Variants in LINS1 observed in about 807,000 individuals in gnomAD.
The protein encoded by LINS1 is lines homolog 1.
In LINS1, 27 loss-of-function variants were observed where a neutral mutation model predicts 41.6. The observed-to-expected ratio is 0.65, with a 90% CI of 0.48 to 0.89. The LOEUF is 0.89. Ranked by LOEUF, LINS1 falls within the 40% of genes least tolerant of loss-of-function variation. The pLI, the probability that LINS1 is intolerant of heterozygous loss-of-function variation, is 0.00. For missense variants in LINS1, 955 were observed against 884.1 expected (o/e 1.08, Z -1.02); for synonymous variants, 336 against 312.9 (o/e 1.07, Z -0.78).
At chr15:100,590,864 T>C (rs2039004456) in intron 1 of LINS1, among the ~76,000 whole-genome samples, 1 of 152,190 alleles carries the variant, frequency 6.6e-6, no homozygotes, top group South Asian at 2.1e-4. Flanking sequence ...AAACTCTTGG[T>C]ATTATCCTCC....
At position 100,571,918 on chromosome 15, in the gene LINS1, A is replaced by C; in HGVS notation, c.1370T>G (p.Leu457Arg). The change falls in exon 6 of 7, where the codon CTG becomes CGG. Residue 457 changes from leucine (L) to arginine (R), a missense_variant. Leu to Arg is a moderately radical substitution (Grantham distance 102, BLOSUM62 -2). Coordinates refer to ENST00000314742, the MANE Select transcript of LINS1 (RefSeq NM_001040616.3). ...DDMLEAAKAS[L>R]GIYLTLTRGC... ...CCTGGTCAGTGTTAAGTAGATGCCC[A>C]GTGATGCCTTGGCAGCCTCCAGCAT... The C allele has an allele frequency of 6.2e-7, 1 of 1,614,236 alleles. No individual in the cohort carries two copies. The highest frequency in any genetic ancestry group is 1.3e-5 in the African/African-American group (1 of 75,066).
chr15:100,569,304 T>G lies in LINS1; in HGVS notation c.2208A>C (p.Pro736=). 2 of 1,613,024 alleles carry G rather than the reference T, an allele frequency of 1.2e-6. No homozygotes were observed. Among genetic ancestry groups the G allele is most frequent in the Non-Finnish European group, 1.7e-6 (2 of 1,179,016 alleles). Residue 736 remains proline (P), a synonymous_variant, in exon 7 of 7, where the codon CCA becomes CCC. Transcript: ENST00000314742. ...LQKKNLFPYN[P]TALLKLLKYI... is the part of the protein sequence containing the mutation. Reference sequence around the variant, plus strand: ...ATTTTAACAACTTCAAAAGTGCAGTTGGATTATATGGGAAAAGATTTTTCT... The same window carrying G: ...ATTTTAACAACTTCAAAAGTGCAGTGGGATTATATGGGAAAAGATTTTTCT...
chr15:100,582,021 G>T (rs117310889), intron 1 of LINS1, among the ~76,000 whole-genome samples: 2,376 of 152,334 alleles, frequency 0.016, 38 homozygotes, highest in Non-Finnish European at 0.022. Flanking sequence ...TCTCTGCCCT[G>T]ACCCGTTTAT....
intron 1 of LINS1, among the ~76,000 whole-genome samples, chr15:100,592,088 A>G (rs920301416): frequency 2.0e-5 from 3 of 152,216 alleles, no homozygotes; most frequent in Admixed American, 1.3e-4. Flanking sequence ...CTTCATTTAC[A>G]TAGGGCATAC....
At chr15:100,599,799 C>T (rs1389483004) in intron 1 of LINS1, among the ~76,000 whole-genome samples, 2 of 152,142 alleles carry the variant, frequency 1.3e-5, no homozygotes, top group Non-Finnish European at 1.5e-5. Flanking sequence ...GGTGCAGTGG[C>T]TCACACCTGT....
intron 1 of LINS1, among the ~76,000 whole-genome samples, chr15:100,582,355 T>C (rs952557153): frequency 7.2e-6 from 1 of 138,214 alleles, no homozygotes; most frequent in Admixed American, 7.5e-5. Flanking sequence ...ATCTACAACA[T>C]GGCCCACTAG....
chr15:100,569,357 G>A lies in LINS1; in HGVS notation c.2155C>T (p.Leu719=). 4 of 1,614,160 alleles carry A rather than the reference G, an allele frequency of 2.5e-6. No homozygotes were observed. The highest frequency in any genetic ancestry group is 3.4e-6 in the Non-Finnish European group (4 of 1,180,026). ...FYRIVKCFQE[L]QDAICRLQKK... is the part of the protein sequence containing the mutation. ...TGCAAACGGCAGATGGCATCTTGTA[G>A]TTCCTGGAAGCATTTTACTATTCTG... Residue 719 remains leucine, a synonymous_variant, in exon 7 of 7, where the codon CTA becomes TTA. Coordinates refer to ENST00000314742, the MANE Select transcript of LINS1 (RefSeq NM_001040616.3).
chr15:100,583,107 C>CTT (rs1452117842), intron 1 of LINS1, among the ~76,000 whole-genome samples: 1 of 152,010 alleles, frequency 6.6e-6, no homozygotes. Flanking sequence ...TAGTCTTGGT[C>CTT]TTATACTGGG....
intron 1 of LINS1, among the ~76,000 whole-genome samples, chr15:100,601,496 A>G (rs1432916886): frequency 6.6e-6 from 1 of 152,168 alleles, no homozygotes; most frequent in Non-Finnish European, 1.5e-5. Flanking sequence ...GTACTGCCAC[A>G]TTGGGGATTA....
chr15:100,580,266 T>C lies in LINS1; in HGVS notation c.486A>G (p.Glu162=), dbSNP rs1555432772. 6.3e-7 allele frequency: 1 copy of C among 1,593,320 alleles called. No homozygotes were observed. Among genetic ancestry groups the C allele is most frequent in the African/African-American group, 1.3e-5 (1 of 74,520 alleles). The change falls in exon 3 of 7, where the codon GAA becomes GAG. Residue 162 remains glutamate, a synonymous_variant. Coordinates refer to ENST00000314742, the MANE Select transcript of LINS1 (RefSeq NM_001040616.3). ...ATACTTTGATTACTTATCTTACCTT[T>C]TCTCTCAATTGGAAATATAGAAGCA... ...LALLLYFQLR[E]KITLSNSWIA...
At chr15:100,570,168 AC>A (rs1326382200) in intron 6 of LINS1, 51 bp from the exon 7 acceptor site, 7 of 474,402 alleles carry the variant, frequency 1.5e-5, no homozygotes, top group South Asian at 3.1e-5. Context: ...ACAAAAATAA[AC>A]AGTTTTACCA....
chr15:100,601,175 G>A (rs922270603), intron 1 of LINS1, among the ~76,000 whole-genome samples: 2 of 152,160 alleles, frequency 1.3e-5, no homozygotes, highest in African/African-American at 2.4e-5. Context: ...CTTCCTCAGA[G>A]ACCTTTCCTA....
chr15:100,590,086 C>CTTAT (rs1054086734), intron 1 of LINS1, among the ~76,000 whole-genome samples: 32 of 152,160 alleles, frequency 2.1e-4, no homozygotes, highest in African/African-American at 7.0e-4. Context: ...CATAGGAACC[C>CTTAT]TTAAGGTAAA....
rs58353555 is a variant in LINS1, at chr15:100,578,633, T to A, written c.489+1630A>T. On this transcript the variant is annotated intron_variant, in intron 3 of 6. Coordinates refer to ENST00000314742, the MANE Select transcript of LINS1 (RefSeq NM_001040616.3). ...ACAGTGTGGCGATTCCTCAGGGATCTAGAGCTAGAAATACCATTTGACCCA... is the reference window on the plus strand; with the variant it reads ...ACAGTGTGGCGATTCCTCAGGGATCAAGAGCTAGAAATACCATTTGACCCA... Among the ~76,000 whole-genome samples the A allele has an allele frequency of 2.8e-3, 427 of 152,358 alleles. 8 individuals are homozygous for A. In the East Asian group the frequency reaches 0.044, roughly 16 times the overall value.
Position 100,569,893 on chromosome 15 carries a change from G to T in LINS1, c.1619C>A (p.Thr540Asn), listed in dbSNP as rs753229484. The T allele has an allele frequency of 6.2e-7, 1 of 1,612,380 alleles. No homozygotes were observed. Among genetic ancestry groups the T allele is most frequent in the Admixed American group, 1.7e-5 (1 of 59,852 alleles). The change falls in exon 7 of 7, where the codon ACC becomes AAC. Residue 540 changes from threonine to asparagine, a missense_variant. Thr to Asn is a moderately conservative substitution (Grantham distance 65). Coordinates refer to ENST00000314742, the MANE Select transcript of LINS1 (RefSeq NM_001040616.3). ...AGTTGCATCAAAGTTATTGCAAATG[G>T]TGAAAAAATTATCCCAGTCCTTTTG... ...LLQKDWDNFF[T>N]ICNNFDATES...
intron 1 of LINS1, among the ~76,000 whole-genome samples, chr15:100,597,966 G>A (rs2039319299): frequency 6.6e-6 from 1 of 152,256 alleles, no homozygotes; most frequent in Non-Finnish European, 1.5e-5. Context: ...GTAGGAAGAT[G>A]TCAATATGTC....
chr15:100,574,967 TGGG>T lies in LINS1; in HGVS notation c.631+17_631+19del. The stretch of plus-strand genomic sequence containing the variant: ...CCAGGAGCAAGATGATGATTGTTTA[TGGG>T]GCCATGTAATCCATACCTGTTTTCT... On this transcript the variant is annotated intron_variant, in intron 4 of 6. Coordinates refer to ENST00000314742, the MANE Select transcript of LINS1 (RefSeq NM_001040616.3). 1 of 1,610,528 alleles carries T rather than the reference TGGG, an allele frequency of 6.2e-7. No homozygotes were observed. Among genetic ancestry groups the T allele is most frequent in the Non-Finnish European group, 8.5e-7 (1 of 1,178,318 alleles).
At chr15:100,578,307 A>G (rs1180494238) in intron 3 of LINS1, among the ~76,000 whole-genome samples, 2 of 152,170 alleles carry the variant, frequency 1.3e-5, no homozygotes, top group African/African-American at 4.8e-5. Context: ...GAATCTACAA[A>G]TAACTCAAAC....
At chr15:100,575,211 T>C (rs915012550) in intron 3 of LINS1, 83 bp from the exon 4 acceptor site, 25 of 1,246,850 alleles carry the variant, frequency 2.0e-5, no homozygotes, top group Non-Finnish European at 2.9e-5. Context: ...TGTTTATACA[T>C]TTGGCCAAAA....
Sources: gnomAD v4.1 joint callset for allele counts (sites outside exome capture counted in the v4.1 genomes callset) on GRCh38, gnomAD v4.1.1 for gene constraint, MANE v1.5 for transcripts, NCBI Gene and HGNC (gene_info 2026-07-23, HGNC 2026-07-21) for gene names.